Variants in FAT2 observed in about 807,000 individuals in gnomAD.
FAT2 encodes protocadherin Fat 2.
A neutral mutation model predicts 295.3 loss-of-function variants in FAT2; 150 were observed. That is an observed-to-expected ratio of 0.51 (90% CI 0.44 to 0.58). The LOEUF (loss-of-function observed/expected upper bound fraction) is 0.58, where lower values mean the gene tolerates loss of function less well. Ranked by LOEUF, FAT2 falls within the 20% of genes least tolerant of loss-of-function variation. The pLI is 0.00. For missense variants in FAT2, 4,868 were observed against 5,442.7 expected (o/e 0.89, Z 3.32); for synonymous variants, 2,026 against 2,150.3 (o/e 0.94, Z 1.60).
rs183302026 is a variant in FAT2, at chr5:151,587,137, G to A, written c.-21+4028C>T. ...AACCTGGGCAACAGAATGAGGCTCC[G>A]TCTCAAAAAAACAAAAAACAAAACA... On this transcript the variant is annotated intron_variant, in intron 1 of 23. Coordinates refer to ENST00000261800, the MANE Select transcript of FAT2 (RefSeq NM_001447.3). Among the ~76,000 whole-genome samples the A allele has an allele frequency of 2.2e-3, 334 of 150,176 alleles. 1 individual carries two copies. Among genetic ancestry groups the A allele is most frequent in the African/African-American group, 7.6e-3 (307 of 40,588 alleles).
At position 151,527,375 on chromosome 5, in the gene FAT2, G is replaced by C. The variant is rs1754121614; in HGVS notation, c.10167C>G (p.Ala3389=). The change falls in exon 17 of 24, where the codon GCC becomes GCG. Residue 3389 remains alanine (A), a splice_region_variant and synonymous_variant. Transcript: ENST00000261800. The part of the protein sequence containing the change: ...QVAKALDREQ[A]SSYSLKLRAT... ...CTCGGAGCTTCAGGGAATAACTAGA[G>C]GCCTATTGCAAAATGTCCAGTGGAG... 1.2e-6 allele frequency: 2 copies of C among 1,602,244 alleles called. No homozygotes were observed. Among genetic ancestry groups the C allele is most frequent in the Non-Finnish European group, 1.7e-6 (2 of 1,172,710 alleles).
In FAT2 at chr5:151,505,274, G is replaced by T. The variant is rs1237752666; in HGVS notation, c.*291C>A. The T allele has an allele frequency of 6.3e-6, 3 of 473,480 alleles. No individual in the cohort carries two copies. The highest frequency in any genetic ancestry group is 6.0e-5 in the African/African-American group (3 of 49,772). The allele number at this position is 473,480 out of a possible 1,614,324, so 29.3% of individuals were successfully genotyped here. A position where few individuals can be genotyped will look rare whatever the true frequency, so the allele number is the denominator to read the frequency against. On this transcript the variant is annotated 3_prime_UTR_variant, in exon 24 of 24. Coordinates refer to ENST00000261800, the MANE Select transcript of FAT2 (RefSeq NM_001447.3). ...AGCCGGCAGATCAGGGAGCCCTCCT[G>T]TCTCTCGCCCACCCCGGGAGTCAAT...
chr5:151,555,827 G>C (rs879363322), intron 4 of FAT2, among the ~76,000 whole-genome samples: 16 of 152,288 alleles, frequency 1.1e-4, no homozygotes, highest in African/African-American at 3.9e-4. Flanking sequence ...AGGGGAAATA[G>C]TTAGATTTCC....
Position 151,512,502 on chromosome 5 carries a change from C to G in FAT2, c.11568G>C (p.Leu3856=). 1.2e-6 allele frequency: 2 copies of G among 1,614,174 alleles called. No individual in the cohort carries two copies. Among genetic ancestry groups the G allele is most frequent in the Non-Finnish European group, 8.5e-7 (1 of 1,180,036 alleles). The part of the protein sequence containing the change: ...HVNDHEWHSI[L]VEEMDASIRL... ...GAATGGAAGCGTCCATCTCCTCCAC[C>G]AGGATGGAGTGCCACTCGTGGTCAT... The change falls in exon 21 of 24, where the codon CTG becomes CTC. Residue 3856 remains leucine (L), a synonymous_variant. Transcript: ENST00000261800. This position sits in a 1 kb window ranked among gnomAD's most constrained non-coding sequence, Gnocchi z 4.1.
At chr5:151,527,758 C>T (rs1384313941) in intron 16 of FAT2, among the ~76,000 whole-genome samples, 5 of 152,176 alleles carry the variant, frequency 3.3e-5, no homozygotes, top group Non-Finnish European at 5.9e-5. Context: ...GATCCCTACT[C>T]AATTGTGAGA....
chr5:151,534,690 C>T (rs774166161), intron 12 of FAT2, 48 bp from the exon 13 acceptor site: 1 of 1,523,780 alleles, frequency 6.6e-7, no homozygotes, highest in East Asian at 2.3e-5. Context: ...GGAAATATTA[C>T]CCAAGCATGT....
Position 151,545,401 on chromosome 5 carries a change from G to A in FAT2, c.5726C>T (p.Thr1909Ile), listed in dbSNP as rs142001888. Reference sequence around the variant, plus strand: ...GGTAACAGCTTCATCAGCATTGCCAGTTTTGATGCTATAATTGACTTCTGA... The same window carrying A: ...GGTAACAGCTTCATCAGCATTGCCAATTTTGATGCTATAATTGACTTCTGA... ...EDSEVNYSIKTGNADEAVTIH... is the reference protein window; with the variant it reads ...EDSEVNYSIKIGNADEAVTIH... Residue 1909 changes from threonine to isoleucine, a missense_variant, in exon 10 of 24, where the codon ACT becomes ATT. Thr to Ile is a moderately conservative substitution (Grantham distance 89, BLOSUM62 -1). Coordinates refer to ENST00000261800, the MANE Select transcript of FAT2 (RefSeq NM_001447.3). The A allele has an allele frequency of 3.5e-3, 5,627 of 1,614,180 alleles. 17 individuals carry two copies. Among genetic ancestry groups the A allele is most frequent in the Non-Finnish European group, 4.4e-3 (5,177 of 1,180,038 alleles).
chr5:151,517,812 T>C lies in FAT2; in HGVS notation c.11318-47A>G, dbSNP rs369408415. ...TCACCTCTACTTGAAGTGGTCCCCA[T>C]TGAGCCCTTGGACTGACTTTGTCTT... On this transcript the variant is annotated intron_variant, in intron 19 of 23. Coordinates refer to ENST00000261800, the MANE Select transcript of FAT2 (RefSeq NM_001447.3). The C allele has an allele frequency of 1.5e-5, 24 of 1,607,606 alleles. No individual in the cohort carries two copies. In the African/African-American group the frequency reaches 1.6e-4, roughly 11 times the overall value.
intron 6 of FAT2, 65 bp downstream of exon 6, chr5:151,553,112 A>C (rs1757367368): frequency 6.6e-7 from 1 of 1,518,420 alleles, no homozygotes; most frequent in Admixed American, 1.7e-5. Context: ...TGTAGCAGGA[A>C]AACTAGAGCT....
upstream of FAT2, among the ~76,000 whole-genome samples, chr5:151,594,449 G>C (rs992621808): frequency 6.6e-6 from 1 of 152,184 alleles, no homozygotes; most frequent in African/African-American, 2.4e-5. Flanking sequence ...CTGTGGGTAG[G>C]ACCCAGGCAT....
At chr5:151,562,383 C>T (rs1224264021) in intron 3 of FAT2, among the ~76,000 whole-genome samples, 1 of 152,138 alleles carries the variant, frequency 6.6e-6, no homozygotes, top group Non-Finnish European at 1.5e-5. Flanking sequence ...GTTGTTCCTC[C>T]CCCAAGAGGA....
At position 151,571,496 on chromosome 5, in the gene FAT2, G is replaced by A. The variant is rs182921283; in HGVS notation, c.-20-2545C>T. On this transcript the variant is annotated intron_variant, in intron 1 of 23. Coordinates refer to ENST00000261800, the MANE Select transcript of FAT2 (RefSeq NM_001447.3). The stretch of plus-strand genomic sequence containing the variant: ...TGCTCGATGGCTGCACCGGTGCCTT[G>A]CAATGCAGGCGCCGTTAAGATGAGC... Among the ~76,000 whole-genome samples the A allele has an allele frequency of 4.2e-3, 644 of 152,354 alleles. 2 individuals are homozygous for A. The highest frequency in any genetic ancestry group is 6.6e-3 in the Non-Finnish European group (451 of 68,026).
intron 9 of FAT2, among the ~76,000 whole-genome samples, chr5:151,547,955 T>A (rs1386040064): frequency 6.6e-6 from 1 of 152,188 alleles, no homozygotes; most frequent in Non-Finnish European, 1.5e-5. Flanking sequence ...ACTTCTATAA[T>A]CAGAAGAATA....
Position 151,565,664 on chromosome 5 carries a change from C to A in FAT2, c.3259+9G>T. On this transcript the variant is annotated intron_variant, in intron 2 of 23. Transcript: ENST00000261800. ...GCCCTGGCACCCCACCCTACCCCAC[C>A]CCCAGTACCTGTATCTTGGTTGATG... 1 of 1,567,940 alleles carries A rather than the reference C, an allele frequency of 6.4e-7. No individual in the cohort carries two copies. The highest frequency in any genetic ancestry group is 8.7e-7 in the Non-Finnish European group (1 of 1,154,270).
rs1408522517 is a variant in FAT2, at chr5:151,563,549, A to T, written c.3350T>A (p.Leu1117His). Residue 1117 changes from leucine (L) to histidine (H), a missense_variant, in exon 3 of 24, where the codon CTC (leucine) becomes CAC (histidine). Leu to His is a moderately conservative substitution (Grantham distance 99, BLOSUM62 -3). Around this residue, in one of 5 missense-constraint regions of FAT2, gnomAD observed 3,297 missense variants for 3,669.4 expected, o/e 0.90. Coordinates refer to ENST00000261800, the MANE Select transcript of FAT2 (RefSeq NM_001447.3). Reference sequence around the variant, plus strand: ...GATGTAGACTTCAGTTACAGAAGAGAGGGGCACAGAACCCCTGTCCACTGC... The same window carrying T: ...GATGTAGACTTCAGTTACAGAAGAGTGGGGCACAGAACCCCTGTCCACTGC... ...VLAVDRGSVP[L>H]SSVTEVYIEV... The T allele has an allele frequency of 6.2e-7, 1 of 1,614,142 alleles. No individual in the cohort carries two copies. The highest frequency in any genetic ancestry group is 8.5e-7 in the Non-Finnish European group (1 of 1,180,018).
At chr5:151,546,396 T>C in intron 9 of FAT2, 59 bp from the exon 10 acceptor site, 1 of 1,332,158 alleles carries the variant, frequency 7.5e-7, no homozygotes, top group Non-Finnish European at 1.0e-6. Context: ...TCAGCTAGGC[T>C]TTCTAGATCA....
In FAT2 at chr5:151,563,542, A is replaced by G. The variant is rs2127642185; in HGVS notation, c.3357T>C (p.Ser1119=). The G allele has an allele frequency of 6.2e-7, 1 of 1,614,210 alleles. No individual in the cohort carries two copies. The highest frequency in any genetic ancestry group is 8.5e-7 in the Non-Finnish European group (1 of 1,180,024). ...TAACCTCGATGTAGACTTCAGTTAC[A>G]GAAGAGAGGGGCACAGAACCCCTGT... ...AVDRGSVPLS[S]VTEVYIEVTD... is the part of the protein sequence containing the mutation. The change falls in exon 3 of 24, where the codon TCT becomes TCC. Residue 1119 remains serine, a synonymous_variant. Transcript: ENST00000261800.
At chr5:151,572,657 G>A (rs1170555495) in intron 1 of FAT2, among the ~76,000 whole-genome samples, 1 of 152,174 alleles carries the variant, frequency 6.6e-6, no homozygotes, top group Non-Finnish European at 1.5e-5. Context: ...GATCGTGCAC[G>A]TTAATGTACT....
chr5:151,555,689 C>T (rs1305011159), intron 4 of FAT2, among the ~76,000 whole-genome samples: 1 of 152,088 alleles, frequency 6.6e-6, no homozygotes, highest in Non-Finnish European at 1.5e-5. Context: ...TGTTTCTTAC[C>T]AAAGGAAAAA....
Sources: gnomAD v4.1 joint callset for allele counts (sites outside exome capture counted in the v4.1 genomes callset) on GRCh38, gnomAD v4.1.1 for gene constraint, gnomAD v4.1.1 regional missense constraint, Gnocchi (gnomAD v3.1) non-coding constraint, MANE v1.5 for transcripts, NCBI Gene and HGNC (gene_info 2026-07-23, HGNC 2026-07-21) for gene names.